MSRA: variants seen among roughly 807,000 people sequenced by gnomAD.
MSRA encodes mitochondrial peptide methionine sulfoxide reductase.
MSRA carries 54 observed loss-of-function variants against 31.3 expected under a neutral mutation model. The observed-to-expected ratio is 1.73, with a 90% CI of 1.39 to 2.17. The LOEUF is 2.17. Ranked by LOEUF, MSRA falls within the 30% of genes most tolerant of loss-of-function variation. The pLI is 0.00. For synonymous variants in MSRA, 169 were observed against 116.5 expected, an observed-to-expected ratio of 1.45 and a Z score of -2.90; for missense variants, 507 against 300.9, an observed-to-expected ratio of 1.69 and a Z score of -5.07.
chr8:10,382,726 G>C (rs1024510589), intron 5 of MSRA, among the ~76,000 whole-genome samples: 2 of 152,204 alleles, frequency 1.3e-5, no homozygotes, highest in Non-Finnish European at 2.9e-5. Context: ...AGGTCATTCA[G>C]GGGCAAGAAT....
chr8:10,335,809 G>C (rs1317914711), intron 5 of MSRA, among the ~76,000 whole-genome samples: 1 of 152,184 alleles, frequency 6.6e-6, no homozygotes, highest in African/African-American at 2.4e-5. Flanking sequence ...AGTGCAGAAA[G>C]CACTTTCACA....
intron 5 of MSRA, among the ~76,000 whole-genome samples, chr8:10,402,986 A>T (rs1198815231): frequency 6.6e-6 from 1 of 152,180 alleles, no homozygotes; most frequent in African/African-American, 2.4e-5. Context: ...ACTGGAAGAG[A>T]AGACAGCTTC....
intron 5 of MSRA, among the ~76,000 whole-genome samples, chr8:10,341,504 G>A (rs1428707197): frequency 1.3e-5 from 2 of 152,184 alleles, no homozygotes; most frequent in African/African-American, 4.8e-5. Context: ...TCCAGGACTG[G>A]AGATGACATT....
intron 1 of MSRA, among the ~76,000 whole-genome samples, chr8:10,068,344 A>T (rs1374055874): frequency 6.6e-6 from 1 of 152,152 alleles, no homozygotes; most frequent in Non-Finnish European, 1.5e-5. Context: ...CTTGTGGACC[A>T]TTTCTTTCAT....
intron 1 of MSRA, among the ~76,000 whole-genome samples, chr8:10,158,173 C>T (rs1264972888): frequency 6.6e-6 from 1 of 152,132 alleles, no homozygotes; most frequent in Non-Finnish European, 1.5e-5. Flanking sequence ...TGACTAATAA[C>T]CCCCAAGGCT....
intron 1 of MSRA, among the ~76,000 whole-genome samples, chr8:10,164,457 T>C (rs1804945076): frequency 6.6e-6 from 1 of 152,188 alleles, no homozygotes; most frequent in African/African-American, 2.4e-5. Flanking sequence ...CTGAGCTTTT[T>C]AGAAGTTTTA....
intron 1 of MSRA, among the ~76,000 whole-genome samples, chr8:10,181,442 T>C (rs1458999649): frequency 7.3e-6 from 1 of 137,530 alleles, no homozygotes; most frequent in Non-Finnish European, 1.5e-5. Context: ...AATAATAAAA[T>C]TAAAAAAAAA....
intron 3 of MSRA, among the ~76,000 whole-genome samples, chr8:10,255,335 C>T (rs934595791): frequency 6.6e-6 from 1 of 152,206 alleles, no homozygotes; most frequent in Non-Finnish European, 1.5e-5. Flanking sequence ...CTTAGAGGTG[C>T]ACCCTGGCGG....
At chr8:10,223,718 A>T (rs1810730037) in intron 2 of MSRA, among the ~76,000 whole-genome samples, 1 of 152,214 alleles carries the variant, frequency 6.6e-6, no homozygotes, top group Non-Finnish European at 1.5e-5. Flanking sequence ...CATAAATTTG[A>T]TGAAAAATTG....
Position 10,373,079 on chromosome 8 carries a change from C to T in MSRA, c.543+53090C>T, listed in dbSNP as rs141200861. On this transcript the variant is annotated intron_variant, in intron 5 of 5. Transcript: ENST00000317173. ...CTAATTTTTGTATTTTTAGTAGAGA[C>T]GAGGTTTTGCCATGTTGGCCAGGCT... Among the ~76,000 whole-genome samples, 323 of 152,208 alleles carry T rather than the reference C, an allele frequency of 2.1e-3. 2 individuals are homozygous for T. Among genetic ancestry groups the T allele is most frequent in the Non-Finnish European group, 2.7e-3 (187 of 68,012 alleles).
In MSRA at chr8:10,316,159, C is replaced by T. The variant is rs947333186; in HGVS notation, c.437-3724C>T. ...CATTGTGCAGGTGATAGATAGTGACCGTATTGTGTGGCTGTCTTCCTTTTA... is the reference window on the plus strand; with the variant it reads ...CATTGTGCAGGTGATAGATAGTGACTGTATTGTGTGGCTGTCTTCCTTTTA... On this transcript the variant is annotated intron_variant, in intron 4 of 5. Coordinates refer to ENST00000317173, the MANE Select transcript of MSRA (RefSeq NM_012331.5). Among the ~76,000 whole-genome samples the T allele has an allele frequency of 4.6e-5, 7 of 151,874 alleles. No individual in the cohort carries two copies. The South Asian group carries it at 8.3e-4, about 18-fold the overall frequency.
At chr8:10,329,180 C>T (rs557853215) in intron 5 of MSRA, among the ~76,000 whole-genome samples, 5 of 152,302 alleles carry the variant, frequency 3.3e-5, no homozygotes, top group East Asian at 3.9e-4. Flanking sequence ...TAACAAATTA[C>T]CACAAACTGG....
intron 1 of MSRA, among the ~76,000 whole-genome samples, chr8:10,083,154 A>G (rs1304010593): frequency 6.6e-6 from 1 of 152,206 alleles, no homozygotes; most frequent in South Asian, 2.1e-4. Flanking sequence ...TTTCTGTGTT[A>G]AAAATATAAA....
chr8:10,105,735 C>G (rs1799836869), intron 1 of MSRA, among the ~76,000 whole-genome samples: 1 of 152,190 alleles, frequency 6.6e-6, no homozygotes, highest in African/African-American at 2.4e-5. Flanking sequence ...GAAATGCACA[C>G]TGTTGGGGCA....
chr8:10,158,619 A>G (rs1804376522), intron 1 of MSRA, among the ~76,000 whole-genome samples: 1 of 152,166 alleles, frequency 6.6e-6, no homozygotes, highest in African/African-American at 2.4e-5. Flanking sequence ...ACCACATTTT[A>G]TGTATTCATC....
chr8:10,152,512 A>G (rs922179664), intron 1 of MSRA, among the ~76,000 whole-genome samples: 7 of 152,132 alleles, frequency 4.6e-5, no homozygotes, highest in Non-Finnish European at 1.0e-4. Flanking sequence ...TGATTTCAGG[A>G]TGGATATTTA....
chr8:10,095,985 C>T (rs1799134014), intron 1 of MSRA: 1 of 1,402,974 alleles, frequency 7.1e-7, no homozygotes, highest in African/African-American at 1.5e-5. Context: ...GTTTGTTCAT[C>T]AATACAAACC....
intron 1 of MSRA, among the ~76,000 whole-genome samples, chr8:10,136,632 G>A (rs1802302812): frequency 6.6e-6 from 1 of 152,208 alleles, no homozygotes. Context: ...GGGAACGAGA[G>A]CCTTTACGTC....
intron 5 of MSRA, among the ~76,000 whole-genome samples, chr8:10,420,855 A>T (rs970555821): frequency 1.9e-4 from 29 of 151,226 alleles, no homozygotes; most frequent in African/African-American, 7.1e-4. Flanking sequence ...AATGGCTAAG[A>T]TAGTACATTT....
Sources: gnomAD v4.1 joint callset for allele counts (sites outside exome capture counted in the v4.1 genomes callset) on GRCh38, gnomAD v4.1.1 for gene constraint, MANE v1.5 for transcripts, NCBI Gene and HGNC (gene_info 2026-07-23, HGNC 2026-07-21) for gene names.